NTRK2: variants seen among roughly 807,000 people sequenced by gnomAD.
NTRK2 encodes neurotrophic receptor tyrosine kinase 2.
Under a neutral mutation model 94.5 loss-of-function variants are expected in NTRK2, and 13 were observed. That is an observed-to-expected ratio of 0.14 (90% CI 0.09 to 0.22). The LOEUF is 0.22. NTRK2 is among the 10% of genes least tolerant of loss of function. NTRK2 has a pLI of 1.00. For synonymous variants in NTRK2, 372 were observed against 407.4 expected (o/e 0.91, Z 1.05); for missense variants, 639 against 1,071.2 (o/e 0.60, Z 5.63).
At position 84,786,069 on chromosome 9, in the gene NTRK2, G is replaced by A. The variant is rs59199967; in HGVS notation, c.1396+33984G>A. Among the ~76,000 whole-genome samples the A allele has an allele frequency of 9.0e-3, 1,374 of 152,248 alleles. 23 individuals carry two copies. Among genetic ancestry groups the A allele is most frequent in the African/African-American group, 0.031 (1,282 of 41,546 alleles). On this transcript the variant is annotated intron_variant, in intron 12 of 18. Coordinates refer to ENST00000277120, the MANE Select transcript of NTRK2 (RefSeq NM_006180.6). ...CGCCCATGCCTTTGTATAAAACCAA[G>A]GAAACCAGAGCACATTCAGCCACTG...
chr9:84,924,856 T>C (rs990028025), intron 14 of NTRK2, among the ~76,000 whole-genome samples: 4 of 152,204 alleles, frequency 2.6e-5, no homozygotes, highest in African/African-American at 9.6e-5. Flanking sequence ...TTTGCTGGCA[T>C]TGGATGTTGT....
chr9:84,822,059 A>G (rs2072883533), intron 12 of NTRK2, among the ~76,000 whole-genome samples: 1 of 152,092 alleles, frequency 6.6e-6, no homozygotes, highest in Admixed American at 6.6e-5. Flanking sequence ...CCTCTAAGGG[A>G]TGATACATTT....
At chr9:84,937,460 A>T (rs535643798) in intron 15 of NTRK2, among the ~76,000 whole-genome samples, 1 of 152,268 alleles carries the variant, frequency 6.6e-6, no homozygotes, top group South Asian at 2.1e-4. Context: ...ATGATTTAAG[A>T]GCTTGAGGGA....
chr9:84,791,979 C>T (rs1158385322), intron 12 of NTRK2, among the ~76,000 whole-genome samples: 1 of 152,150 alleles, frequency 6.6e-6, no homozygotes, highest in Non-Finnish European at 1.5e-5. Context: ...TCTCTTTGTC[C>T]TGTGATTCCC....
intron 17 of NTRK2, among the ~76,000 whole-genome samples, chr9:84,969,206 C>T (rs866445112): frequency 6.6e-6 from 1 of 151,888 alleles, no homozygotes; most frequent in African/African-American, 2.4e-5. Context: ...ACTGTAGCCA[C>T]CACCACTAAA....
chr9:84,834,593 C>A (rs547397956), intron 12 of NTRK2, among the ~76,000 whole-genome samples: 1 of 152,064 alleles, frequency 6.6e-6, no homozygotes, highest in Non-Finnish European at 1.5e-5. Context: ...CATTTCAAAT[C>A]GGAGGGGTGT....
intron 12 of NTRK2, among the ~76,000 whole-genome samples, chr9:84,800,638 T>G (rs1018831411): frequency 2.0e-5 from 3 of 152,218 alleles, no homozygotes; most frequent in African/African-American, 7.2e-5. Flanking sequence ...ACTAAAGCCA[T>G]GGAACAGTTC....
intron 9 of NTRK2, among the ~76,000 whole-genome samples, chr9:84,740,688 T>C (rs1487027259): frequency 6.6e-6 from 1 of 152,262 alleles, no homozygotes. Flanking sequence ...TACAGCAGTA[T>C]GCAGCATCCC....
At chr9:84,705,342 T>A (rs1477922324) in intron 4 of NTRK2, among the ~76,000 whole-genome samples, 2 of 152,178 alleles carry the variant, frequency 1.3e-5, no homozygotes, top group Non-Finnish European at 2.9e-5. Context: ...ATTTGTGTTT[T>A]CCAGGGACTT....
intron 5 of NTRK2, among the ~76,000 whole-genome samples, chr9:84,709,906 G>A (rs549299685): frequency 1.5e-3 from 226 of 152,008 alleles, no homozygotes; most frequent in African/African-American, 5.2e-3. Context: ...CACCCACAGT[G>A]GTCTAACGCA....
At chr9:84,877,659 A>T in intron 14 of NTRK2, 1 of 1,064,340 alleles carries the variant, frequency 9.4e-7, no homozygotes, top group South Asian at 4.6e-5. Context: ...ATGTTGCCTA[A>T]CTTTATTTCC....
At chr9:84,672,114 G>A (rs2058735600) in intron 2 of NTRK2, among the ~76,000 whole-genome samples, 1 of 152,214 alleles carries the variant, frequency 6.6e-6, no homozygotes, top group South Asian at 2.1e-4. Context: ...TCCTTCCACA[G>A]AAAACATACA....
chr9:84,882,791 G>A (rs1002780513), intron 14 of NTRK2, among the ~76,000 whole-genome samples: 4 of 151,726 alleles, frequency 2.6e-5, no homozygotes, highest in East Asian at 3.9e-4. Flanking sequence ...TTTCCGAGTC[G>A]GAGTTTTCGC....
intron 13 of NTRK2, among the ~76,000 whole-genome samples, chr9:84,866,296 A>T (rs149403314): frequency 2.6e-3 from 391 of 152,338 alleles, no homozygotes; most frequent in Middle Eastern, 0.017. Flanking sequence ...GTATTAATAC[A>T]TACTCATGAA....
intron 17 of NTRK2, among the ~76,000 whole-genome samples, chr9:84,976,420 G>A (rs1319018091): frequency 6.6e-6 from 1 of 152,204 alleles, no homozygotes; most frequent in Non-Finnish European, 1.5e-5. Flanking sequence ...GCAGTTGCAT[G>A]AGGAGTGAGG....
intron 2 of NTRK2, among the ~76,000 whole-genome samples, chr9:84,673,579 G>T (rs1436063528): frequency 2.0e-5 from 3 of 152,060 alleles, no homozygotes; most frequent in African/African-American, 7.2e-5. Flanking sequence ...TTCAAAAATG[G>T]TGTATCTTTT....
chr9:84,914,229 G>A (rs898844801), intron 14 of NTRK2, among the ~76,000 whole-genome samples: 1 of 151,750 alleles, frequency 6.6e-6, no homozygotes, highest in African/African-American at 2.4e-5. Flanking sequence ...TTTTTTATTT[G>A]TTTAAATTGT....
chr9:84,857,663 T>C (rs534697211), intron 12 of NTRK2, among the ~76,000 whole-genome samples: 2 of 152,318 alleles, frequency 1.3e-5, no homozygotes, highest in South Asian at 4.1e-4. Context: ...AATGACTGAG[T>C]TAATTTTAAA....
intron 12 of NTRK2, among the ~76,000 whole-genome samples, chr9:84,842,601 C>A (rs1006588621): frequency 5.3e-5 from 8 of 152,148 alleles, no homozygotes; most frequent in African/African-American, 1.4e-4. Flanking sequence ...GGTTCTCCAG[C>A]AGAAACCGGC....
Sources: gnomAD v4.1 joint callset for allele counts (sites outside exome capture counted in the v4.1 genomes callset) on GRCh38, gnomAD v4.1.1 for gene constraint, MANE v1.5 for transcripts, NCBI Gene and HGNC (gene_info 2026-07-23, HGNC 2026-07-21) for gene names.